Variants in STAB2 observed in about 807,000 individuals in gnomAD.
STAB2 encodes stabilin 2, also known as stabilin-2.
Under a neutral mutation model 338.1 loss-of-function variants are expected in STAB2, and 288 were observed. That is an observed-to-expected ratio of 0.85 (90% CI 0.77 to 0.94). The LOEUF (loss-of-function observed/expected upper bound fraction) is 0.94. STAB2 is among the 40% of genes least tolerant of loss of function. STAB2 has a pLI of 0.00. For synonymous variants in STAB2, 1,202 were observed against 1,193.3 expected (o/e 1.01, Z -0.15); for missense variants, 3,141 against 3,210.1 (o/e 0.98, Z 0.52).
chr12:103,766,212 G>C, intron 68 of STAB2, 74 bp from the exon 69 acceptor site: 2 of 1,588,402 alleles, frequency 1.3e-6, no homozygotes. Flanking sequence ...CCTCAGACCA[G>C]TGGCCACCAG....
rs1164706245 is a variant in STAB2, at chr12:103,689,908, A to G, written c.3108A>G (p.Gln1036=). 2.5e-6 allele frequency: 4 copies of G among 1,614,176 alleles called. No homozygotes were observed. Among genetic ancestry groups the G allele is most frequent in the Non-Finnish European group, 3.4e-6 (4 of 1,180,010 alleles). ...TSNLTVLVPS[Q]QATEDMDQDE... Reference sequence around the variant, plus strand: ...ACCTCACTGTCCTCGTGCCTTCCCAACAAGCTACTGAGGACATGGACCAGG... The same window carrying G: ...ACCTCACTGTCCTCGTGCCTTCCCAGCAAGCTACTGAGGACATGGACCAGG... Residue 1036 remains glutamine (Q), a synonymous_variant, in exon 29 of 69, where the codon CAA becomes CAG. Transcript: ENST00000388887.
chr12:103,631,824 G>A, intron 6 of STAB2, 131 bp downstream of exon 6: 1 of 757,156 alleles, frequency 1.3e-6, no homozygotes, highest in Admixed American at 2.6e-5. Flanking sequence ...AAAGAAACTA[G>A]AAATTAAAAA....
rs539580001 is a variant in STAB2, at chr12:103,759,671, C to T, written c.7248+398C>T. ...ATCCAGCTTCCCTGTGTCTCAATTT[C>T]CCCATCTGAAAAATCAGGATGATGG... On this transcript the variant is annotated intron_variant, in intron 65 of 68. Transcript: ENST00000388887. Among the ~76,000 whole-genome samples the T allele has an allele frequency of 2.6e-5, 4 of 151,916 alleles. No individual in the cohort carries two copies. The South Asian group carries it at 8.3e-4, about 32-fold the overall frequency.
At chr12:103,656,512 A>C (rs910119527) in intron 15 of STAB2, among the ~76,000 whole-genome samples, 5 of 152,136 alleles carry the variant, frequency 3.3e-5, no homozygotes, top group Non-Finnish European at 7.3e-5. Flanking sequence ...AGAAATAGAC[A>C]CGCTGGTAAC....
chr12:103,697,833 G>A (rs1053791295), intron 33 of STAB2, among the ~76,000 whole-genome samples: 1 of 152,212 alleles, frequency 6.6e-6, no homozygotes, highest in Non-Finnish European at 1.5e-5. Context: ...ATGGGAGGAG[G>A]TTGGAATTTC....
intron 22 of STAB2, among the ~76,000 whole-genome samples, chr12:103,672,067 C>T (rs967217254): frequency 4.6e-5 from 7 of 152,156 alleles, no homozygotes; most frequent in Non-Finnish European, 1.0e-4. Context: ...ACCATAATTT[C>T]GGGCTTTTGG....
chr12:103,709,789 G>C (rs1205901149), intron 39 of STAB2, among the ~76,000 whole-genome samples: 10 of 152,204 alleles, frequency 6.6e-5, no homozygotes. Context: ...GCTTCTGAGA[G>C]CCTGGGAGAG....
intron 51 of STAB2, 48 bp from the exon 52 acceptor site, chr12:103,735,443 T>C (rs758562440): frequency 1.4e-6 from 2 of 1,458,868 alleles, no homozygotes; most frequent in Non-Finnish European, 1.9e-6. Flanking sequence ...GGCCGTCCCT[T>C]CTTCGGCCCA....
At position 103,618,585 on chromosome 12, in the gene STAB2, T is replaced by C. The variant is rs1957247514; in HGVS notation, c.332-1883T>C. The stretch of plus-strand genomic sequence containing the variant: ...ACAGGAAAGCTTATGGCAAAGGTCT[T>C]ATGTGATGGGGATGAGAGGGAAGGG... On this transcript the variant is annotated intron_variant, in intron 3 of 68. Coordinates refer to ENST00000388887, the MANE Select transcript of STAB2 (RefSeq NM_017564.10). 3.3e-5 allele frequency among the ~76,000 whole-genome samples: 5 copies of C among 152,280 alleles called. No individual in the cohort carries two copies. In the South Asian group the frequency reaches 1.0e-3, roughly 32 times the overall value.
chr12:103,653,920 T>G (rs1194122437), intron 12 of STAB2, among the ~76,000 whole-genome samples: 1 of 147,768 alleles, frequency 6.8e-6, no homozygotes, highest in Non-Finnish European at 1.5e-5. Context: ...GATGGATGGA[T>G]GGACGGATGG....
intron 2 of STAB2, chr12:103,592,056 A>T (rs1205713718): frequency 6.6e-6 from 1 of 152,166 alleles, no homozygotes; most frequent in African/African-American, 2.4e-5. Context: ...CAAAATCATC[A>T]TTTTAAATAA....
chr12:103,748,599 CACACAT>C (rs1204374772), intron 58 of STAB2, among the ~76,000 whole-genome samples: 1,463 of 38,070 alleles, frequency 0.038, 8 homozygotes, highest in South Asian at 0.11. Context: ...CACACACACA[CACACAT>C]ACACACACAC....
chr12:103,673,294 T>C (rs10778275), intron 22 of STAB2, among the ~76,000 whole-genome samples: 55,072 of 151,822 alleles, frequency 0.36, 10,169 homozygotes, highest in East Asian at 0.51. Flanking sequence ...CACATCCTCT[T>C]CCCCACACCC....
intron 25 of STAB2, among the ~76,000 whole-genome samples, chr12:103,678,826 C>A (rs1876630318): frequency 6.6e-6 from 1 of 152,066 alleles, no homozygotes; most frequent in African/African-American, 2.4e-5. Context: ...GCCACCATGC[C>A]CAGCCAATCT....
chr12:103,660,930 A>C (rs1292090060), intron 17 of STAB2, among the ~76,000 whole-genome samples, 167 bp downstream of exon 17: 1 of 152,198 alleles, frequency 6.6e-6, no homozygotes, highest in East Asian at 1.9e-4. Flanking sequence ...GAGCAACTAC[A>C]TGCGTGAGAG....
chr12:103,706,511 C>G lies in STAB2; in HGVS notation c.3997-281C>G, dbSNP rs75059300. On this transcript the variant is annotated intron_variant, in intron 37 of 68. Coordinates refer to ENST00000388887, the MANE Select transcript of STAB2 (RefSeq NM_017564.10). ...TATTCTTTAGTTTCTTCTGCTGCCC[C>G]TCCTCCTTTCTCATTTTTCTTCATC... Among the ~76,000 whole-genome samples the G allele has an allele frequency of 2.0e-3, 305 of 152,128 alleles. 1 individual carries two copies. The highest frequency in any genetic ancestry group is 7.2e-3 in the African/African-American group (297 of 41,496).
chr12:103,628,567 TAGA>T (rs1342780188), intron 5 of STAB2, among the ~76,000 whole-genome samples: 1 of 152,234 alleles, frequency 6.6e-6, no homozygotes, highest in Non-Finnish European at 1.5e-5. Context: ...TTGAAGCTTC[TAGA>T]AGAAGGTCCT....
intron 68 of STAB2, among the ~76,000 whole-genome samples, chr12:103,765,085 T>TCC (rs201957746): frequency 1.5e-5 from 1 of 65,326 alleles, no homozygotes; most frequent in African/African-American, 5.6e-5. Context: ...AGACTCTGTC[T>TCC]CAAAAAAAAA....
At chr12:103,748,744 G>A (rs573656215) in intron 58 of STAB2, among the ~76,000 whole-genome samples, 34 of 152,084 alleles carry the variant, frequency 2.2e-4, no homozygotes, top group African/African-American at 5.8e-4. Context: ...GGGCAGAAGC[G>A]GACAGATGTC....
Sources: allele counts gnomAD v4.1 joint callset (sites outside exome capture counted in the v4.1 genomes callset), GRCh38; gene constraint gnomAD v4.1.1; transcripts MANE v1.5; gene names NCBI Gene and HGNC (gene_info 2026-07-23, HGNC 2026-07-21).